Variants in AFF3 observed in about 807,000 individuals in gnomAD.
AFF3 encodes the protein AF4/FMR2 family member 3.
In AFF3, 32 loss-of-function variants were observed where a neutral mutation model predicts 129.7. The observed-to-expected ratio is 0.25, with a 90% CI of 0.19 to 0.33. The LOEUF (loss-of-function observed/expected upper bound fraction) is 0.33. Ranked by LOEUF, AFF3 falls within the 10% of genes least tolerant of loss-of-function variation. The pLI, the probability that AFF3 is intolerant of heterozygous loss-of-function variation, is 1.00. For synonymous variants in AFF3, 644 were observed against 635.4 expected, an observed-to-expected ratio of 1.01 and a Z score of -0.20; for missense variants, 1,373 against 1,592.0, an observed-to-expected ratio of 0.86 and a Z score of 2.34.
chr2:99,558,822 A>T lies in AFF3; in HGVS notation c.3285+53T>A. ...GTCTACCAGGTGCTTCACAAATTTGACAGGGAGACAAGTGAAATTAAGGAA... is the reference window on the plus strand; with the variant it reads ...GTCTACCAGGTGCTTCACAAATTTGTCAGGGAGACAAGTGAAATTAAGGAA... On this transcript the variant is annotated intron_variant, in intron 22 of 24. Transcript: ENST00000672756. 3.2e-6 allele frequency: 5 copies of T among 1,562,286 alleles called. No homozygotes were observed. In the East Asian group the frequency reaches 9.0e-5, roughly 28 times the overall value.
At chr2:99,761,039 T>G (rs773764282) in intron 8 of AFF3, among the ~76,000 whole-genome samples, 1 of 151,610 alleles carries the variant, frequency 6.6e-6, no homozygotes, top group Non-Finnish European at 1.5e-5. Context: ...GGAACACAGG[T>G]GCAGGCTGCC....
At chr2:99,651,472 C>G (rs1459782552) in intron 12 of AFF3, among the ~76,000 whole-genome samples, 1 of 151,578 alleles carries the variant, frequency 6.6e-6, no homozygotes, top group Non-Finnish European at 1.5e-5. Context: ...GACAGAGTAT[C>G]TCTTTGTCAC....
At chr2:99,988,026 G>A (rs930549392) in intron 7 of AFF3, among the ~76,000 whole-genome samples, 6 of 152,094 alleles carry the variant, frequency 3.9e-5, no homozygotes, top group African/African-American at 1.2e-4. Flanking sequence ...AGCCCTCCAG[G>A]AGCACGCAGA....
chr2:99,816,064 T>C (rs1367111523), intron 8 of AFF3, among the ~76,000 whole-genome samples: 2 of 152,018 alleles, frequency 1.3e-5, no homozygotes, highest in Non-Finnish European at 2.9e-5. Flanking sequence ...TTAAATCTCA[T>C]TGCATTTCAG....
chr2:99,837,694 T>TCCCATTGTGGCTGCTG (rs1688996220), intron 7 of AFF3, among the ~76,000 whole-genome samples, 170 bp from the exon 8 acceptor site: 2 of 151,964 alleles, frequency 1.3e-5, no homozygotes, highest in African/African-American at 4.8e-5. Flanking sequence ...AACAGCCGGC[T>TCCCATTGTGGCTGCTG]CCCATTGTGG....
chr2:99,857,177 C>T (rs1182329331), intron 7 of AFF3, among the ~76,000 whole-genome samples: 1 of 152,144 alleles, frequency 6.6e-6, no homozygotes, highest in Non-Finnish European at 1.5e-5. Flanking sequence ...TCATCTTTCA[C>T]TCTAAATAAA....
intron 11 of AFF3, among the ~76,000 whole-genome samples, chr2:99,694,701 C>T (rs949749867): frequency 8.5e-5 from 13 of 152,180 alleles, no homozygotes; most frequent in Non-Finnish European, 1.5e-4. Flanking sequence ...AAAAACCCAA[C>T]GAATTTTTTT....
chr2:99,966,462 G>A lies in AFF3; in HGVS notation c.873+40170C>T, dbSNP rs13422418. The stretch of plus-strand genomic sequence containing the variant: ...TCCCAACACTTTGGGAGGCCGAGGC[G>A]GGCGGATCACGAGGTCAGGAGATCG... On this transcript the variant is annotated intron_variant, in intron 7 of 24. Coordinates refer to ENST00000672756, the MANE Select transcript of AFF3 (RefSeq NM_001386135.1). 2.7e-3 allele frequency among the ~76,000 whole-genome samples: 409 copies of A among 151,768 alleles called. 2 individuals carry two copies. Among genetic ancestry groups the A allele is most frequent in the African/African-American group, 9.3e-3 (385 of 41,402 alleles).
intron 18 of AFF3, among the ~76,000 whole-genome samples, chr2:99,569,779 T>C (rs1676309993): frequency 6.6e-6 from 1 of 152,172 alleles, no homozygotes; most frequent in South Asian, 2.1e-4. Context: ...AAACTTGACC[T>C]ATTCATGAAT....
chr2:99,683,694 G>A (rs1361817080), intron 11 of AFF3, among the ~76,000 whole-genome samples: 2 of 152,164 alleles, frequency 1.3e-5, no homozygotes, highest in Admixed American at 6.5e-5. Context: ...ACCTGCCTCA[G>A]CCTCCCAAAG....
chr2:99,678,787 A>G (rs1045736308), intron 11 of AFF3, among the ~76,000 whole-genome samples: 3 of 152,222 alleles, frequency 2.0e-5, no homozygotes, highest in Non-Finnish European at 4.4e-5. Context: ...TTCATTATGC[A>G]AGTGCATCTC....
At chr2:99,628,606 G>C (rs553931805) in intron 13 of AFF3, among the ~76,000 whole-genome samples, 2 of 151,708 alleles carry the variant, frequency 1.3e-5, no homozygotes, top group East Asian at 3.9e-4. Flanking sequence ...ACCCATGCTG[G>C]AGTGCACTGG....
At chr2:99,711,259 G>A (rs1035253554) in intron 11 of AFF3, among the ~76,000 whole-genome samples, 14 of 152,112 alleles carry the variant, frequency 9.2e-5, no homozygotes, top group Middle Eastern at 3.2e-3. Flanking sequence ...GGACCCAGTC[G>A]GAATCTTGGC....
At chr2:99,814,185 T>C (rs1687027015) in intron 8 of AFF3, among the ~76,000 whole-genome samples, 1 of 152,084 alleles carries the variant, frequency 6.6e-6, no homozygotes, top group Admixed American at 6.5e-5. Context: ...ATGACAGATA[T>C]TTCTTTCTCA....
At chr2:99,953,496 T>C (rs1676354102) in intron 7 of AFF3, among the ~76,000 whole-genome samples, 1 of 152,194 alleles carries the variant, frequency 6.6e-6, no homozygotes, top group Non-Finnish European at 1.5e-5. Flanking sequence ...GCCATTTAAA[T>C]GAAAGTGATC....
At chr2:99,961,096 G>A (rs1677169915) in intron 7 of AFF3, among the ~76,000 whole-genome samples, 1 of 152,142 alleles carries the variant, frequency 6.6e-6, no homozygotes, top group Admixed American at 6.5e-5. Context: ...CAGTCATCAT[G>A]TGTCAGCATT....
chr2:100,073,961 T>A (rs1207532318), intron 4 of AFF3, among the ~76,000 whole-genome samples: 1 of 152,230 alleles, frequency 6.6e-6, no homozygotes, highest in Non-Finnish European at 1.5e-5. Flanking sequence ...GTGATCTGTA[T>A]AATAGGGTAC....
intron 8 of AFF3, among the ~76,000 whole-genome samples, chr2:99,754,431 T>C (rs1184704816): frequency 1.3e-5 from 2 of 152,228 alleles, no homozygotes; most frequent in African/African-American, 4.8e-5. Context: ...ACATCAGACT[T>C]ACACATACCA....
intron 3 of AFF3, 135 bp from the exon 4 acceptor site, chr2:100,104,653 G>A (rs1253055199): frequency 9.6e-6 from 8 of 837,580 alleles, no homozygotes; most frequent in African/African-American, 6.4e-5. Flanking sequence ...TGGCTGCAGC[G>A]GCCGGCGCAC....
Sources: allele counts gnomAD v4.1 joint callset (sites outside exome capture counted in the v4.1 genomes callset), GRCh38; gene constraint gnomAD v4.1.1; transcripts MANE v1.5; gene names NCBI Gene and HGNC (gene_info 2026-07-23, HGNC 2026-07-21).